Variants in IL23R observed in about 807,000 individuals in gnomAD.
The protein encoded by IL23R is interleukin-23 receptor.
A neutral mutation model predicts 56.9 loss-of-function variants in IL23R; 34 were observed. The ratio of observed to expected loss-of-function variants is 0.60; its 90% CI spans 0.45 to 0.80. The LOEUF (loss-of-function observed/expected upper bound fraction) is 0.80. IL23R is among the 30% of genes least tolerant of loss of function. IL23R has a pLI of 0.00. For synonymous variants in IL23R, 230 were observed against 249.2 expected (o/e 0.92, Z 0.73); for missense variants, 635 against 730.0 (o/e 0.87, Z 1.50).
the IL23R span, among the ~76,000 whole-genome samples, chr1:67,265,114 A>AAGTGTGAGGTACGGAAGTC: frequency 6.6e-6 from 1 of 152,240 alleles, no homozygotes; most frequent in Non-Finnish European, 1.5e-5. Flanking sequence ...ACTGGAACAC[A>AAGTGTGAGGTACGGAAGTC]AGTGTGAGGT....
At chr1:67,238,355 A>G (rs1651626524) in intron 8 of IL23R, among the ~76,000 whole-genome samples, 1 of 150,258 alleles carries the variant, frequency 6.7e-6, no homozygotes, top group African/African-American at 2.4e-5. Flanking sequence ...AAAAAAAAAA[A>G]GAGGAAAAAG....
rs190593630 is a variant in IL23R, at chr1:67,245,931, G to A, written c.1148+5650G>A. Among the ~76,000 whole-genome samples, 365 of 152,202 alleles carry A rather than the reference G, an allele frequency of 2.4e-3. 1 individual carries two copies. Among genetic ancestry groups the A allele is most frequent in the Non-Finnish European group, 4.1e-3 (278 of 67,988 alleles). On this transcript the variant is annotated intron_variant, in intron 9 of 10. Transcript: ENST00000347310. Reference sequence around the variant, plus strand: ...TCTGGTAGAATGTGGCTGTGAATCCGTCTGGTCCTGGACTTTTTTTGATTG... The same window carrying A: ...TCTGGTAGAATGTGGCTGTGAATCCATCTGGTCCTGGACTTTTTTTGATTG...
chr1:67,259,170 T>A lies in IL23R; in HGVS notation c.*42T>A, dbSNP rs1423921104. The A allele has an allele frequency of 1.9e-6, 3 of 1,601,460 alleles. No individual in the cohort carries two copies. ...TCAATATGAGAAAGCTGCCTTGCAATCTGAACTTGGGTTTTCCCTGCAATA... is the reference window on the plus strand; with the variant it reads ...TCAATATGAGAAAGCTGCCTTGCAAACTGAACTTGGGTTTTCCCTGCAATA... On this transcript the variant is annotated 3_prime_UTR_variant, in exon 11 of 11. Transcript: ENST00000347310.
In IL23R at chr1:67,198,775, T is replaced by A. The variant is rs1364649317; in HGVS notation, c.492-1962T>A. On this transcript the variant is annotated intron_variant, in intron 4 of 10. Transcript: ENST00000347310. ...GCCTGGGTATCATGGGAAAACCCCA[T>A]GTCTACACAAAATACAAAAATTAAT... Among the ~76,000 whole-genome samples the A allele has an allele frequency of 2.6e-5, 4 of 152,154 alleles. No homozygotes were observed. The East Asian group carries it at 7.7e-4, about 29-fold the overall frequency.
At chr1:67,207,125 G>A (rs1649126298) in intron 6 of IL23R, 70 bp downstream of exon 6, 1 of 1,423,686 alleles carries the variant, frequency 7.0e-7, no homozygotes, top group Non-Finnish European at 9.9e-7. Flanking sequence ...AGTGGCTACA[G>A]TGGACTTATT....
downstream of IL23R, among the ~76,000 whole-genome samples, chr1:67,260,355 T>C (rs1653163547): frequency 6.6e-6 from 1 of 152,168 alleles, no homozygotes; most frequent in African/African-American, 2.4e-5. Context: ...GACGTAATTT[T>C]TTGTTTACAA....
intron 6 of IL23R, among the ~76,000 whole-genome samples, chr1:67,216,255 G>A (rs186244983): frequency 1.1e-4 from 17 of 152,212 alleles, no homozygotes; most frequent in African/African-American, 3.4e-4. Context: ...AGGCAGAGAT[G>A]TGCCATGATC....
intron 7 of IL23R, chr1:67,231,870 A>C (rs1442369392): frequency 6.6e-6 from 1 of 152,148 alleles, no homozygotes. Flanking sequence ...AAGTACAAAA[A>C]TTAGCTGGGC....
chr1:67,153,586 T>A (rs1337350999), intron 1 of IL23R, among the ~76,000 whole-genome samples: 1 of 152,182 alleles, frequency 6.6e-6, no homozygotes, highest in African/African-American at 2.4e-5. Flanking sequence ...TGGCATTTAG[T>A]CCTGTAAATT....
chr1:67,196,800 G>C (rs530588996), intron 4 of IL23R, among the ~76,000 whole-genome samples: 74 of 152,310 alleles, frequency 4.9e-4, no homozygotes, highest in African/African-American at 1.7e-3. Context: ...ACCTTCTTTA[G>C]TAATTGGTTG....
chr1:67,238,881 G>T (rs918694159), intron 8 of IL23R, among the ~76,000 whole-genome samples: 3 of 152,168 alleles, frequency 2.0e-5, no homozygotes, highest in Non-Finnish European at 4.4e-5. Context: ...GTGAGCTAGA[G>T]TTACTCAGAC....
At chr1:67,159,604 A>G (rs914647849) in intron 1 of IL23R, among the ~76,000 whole-genome samples, 4 of 152,210 alleles carry the variant, frequency 2.6e-5, no homozygotes, top group Non-Finnish European at 4.4e-5. Flanking sequence ...GACCAAAATG[A>G]TAAATAATAA....
chr1:67,140,475 T>C (rs1646626524), intron 1 of IL23R, among the ~76,000 whole-genome samples: 1 of 152,170 alleles, frequency 6.6e-6, no homozygotes, highest in Non-Finnish European at 1.5e-5. Context: ...TTCAATGACA[T>C]AGTCGAAGTC....
At position 67,225,617 on chromosome 1, in the gene IL23R, C is replaced by G. The variant is rs554109131; in HGVS notation, c.955+5887C>G. ...CCTCCGCCTCCTGGTTCAAACAATT[C>G]TCCTGCCTCAGCCTCTCAAGTAGCT... On this transcript the variant is annotated intron_variant, in intron 7 of 10. Coordinates refer to ENST00000347310, the MANE Select transcript of IL23R (RefSeq NM_144701.3). 2.0e-5 allele frequency among the ~76,000 whole-genome samples: 3 copies of G among 151,828 alleles called. 1 individual carries two copies. In the South Asian group the frequency reaches 6.2e-4, roughly 32 times the overall value.
chr1:67,195,457 G>A (rs1245422503), intron 4 of IL23R, among the ~76,000 whole-genome samples: 1 of 152,092 alleles, frequency 6.6e-6, no homozygotes, highest in Non-Finnish European at 1.5e-5. Context: ...TTCCTATACT[G>A]AGGATGAGTA....
intron 5 of IL23R, among the ~76,000 whole-genome samples, chr1:67,206,497 C>T (rs1292774137): frequency 6.6e-6 from 1 of 152,098 alleles, no homozygotes; most frequent in East Asian, 1.9e-4. Context: ...CTTTTCAAAT[C>T]TGATCATCTG....
chr1:67,210,603 C>T (rs576400997), intron 6 of IL23R, among the ~76,000 whole-genome samples: 7 of 152,080 alleles, frequency 4.6e-5, no homozygotes, highest in Non-Finnish European at 7.4e-5. Flanking sequence ...GCTGGGACTA[C>T]AGTCACTCAT....
intron 4 of IL23R, among the ~76,000 whole-genome samples, chr1:67,184,779 C>G (rs1307932780): frequency 6.6e-6 from 1 of 152,024 alleles, no homozygotes; most frequent in African/African-American, 2.4e-5. Context: ...CCTATACAAC[C>G]ATGTGAAGCC....
At chr1:67,202,591 A>G (rs1648717251) in intron 5 of IL23R, among the ~76,000 whole-genome samples, 1 of 152,140 alleles carries the variant, frequency 6.6e-6, no homozygotes, top group Non-Finnish European at 1.5e-5. Flanking sequence ...TGTAGATGAG[A>G]TTATAATTTA....
Sources: allele counts gnomAD v4.1 joint callset (sites outside exome capture counted in the v4.1 genomes callset), GRCh38; gene constraint gnomAD v4.1.1; transcripts MANE v1.5; gene names NCBI Gene and HGNC (gene_info 2026-07-23, HGNC 2026-07-21).